Variants in DNASE1L3 observed in about 807,000 individuals in gnomAD.
The protein encoded by DNASE1L3 is deoxyribonuclease gamma.
DNASE1L3 carries 27 observed loss-of-function variants against 30.9 expected under a neutral mutation model. The ratio of observed to expected loss-of-function variants is 0.87; its 90% CI spans 0.64 to 1.20. The LOEUF (loss-of-function observed/expected upper bound fraction) is 1.20. Ranked by LOEUF, DNASE1L3 falls within the 50% of genes most tolerant of loss-of-function variation. The probability of loss-of-function intolerance (pLI) is 0.00; values close to 1 mark genes in which losing one functional copy is unlikely to be tolerated. For synonymous variants in DNASE1L3, 135 were observed against 138.0 expected (o/e 0.98, Z 0.15); for missense variants, 364 against 378.2 (o/e 0.96, Z 0.31).
intron 5 of DNASE1L3, 120 bp from the exon 6 acceptor site, chr3:58,198,098 G>T: frequency 8.5e-7 from 1 of 1,171,536 alleles, no homozygotes; most frequent in Non-Finnish European, 1.2e-6. Context: ...GTTATGGGCT[G>T]AATCTTGTCT....
intron 7 of DNASE1L3, 120 bp downstream of exon 7, chr3:58,193,223 T>G: frequency 7.0e-7 from 1 of 1,433,922 alleles, no homozygotes; most frequent in Non-Finnish European, 9.5e-7. Context: ...ACCATAGGCA[T>G]GCATCACCAT....
In DNASE1L3 at chr3:58,210,759, G is replaced by T. The variant is rs534743032; in HGVS notation, c.141+7C>A. On this transcript the variant is annotated splice_region_variant and intron_variant, in intron 1 of 7. Coordinates refer to ENST00000394549, the MANE Select transcript of DNASE1L3 (RefSeq NM_004944.4). ...TCTGGGATCCTCCTCCCAGGAAAGG[G>T]GCTCACCTTCACAATGACATCCATG... 1.2e-6 allele frequency: 2 copies of T among 1,614,052 alleles called. No individual in the cohort carries two copies. Among genetic ancestry groups the T allele is most frequent in the African/African-American group, 1.3e-5 (1 of 75,008 alleles).
At chr3:58,207,248 T>C (rs551456125) in intron 2 of DNASE1L3, among the ~76,000 whole-genome samples, 1 of 152,202 alleles carries the variant, frequency 6.6e-6, no homozygotes, top group Non-Finnish European at 1.5e-5. Flanking sequence ...GGTGTGTGAC[T>C]GTAATCCCAG....
intron 1 of DNASE1L3, among the ~76,000 whole-genome samples, chr3:58,208,749 C>T (rs2097405687): frequency 6.6e-6 from 1 of 152,170 alleles, no homozygotes; most frequent in Non-Finnish European, 1.5e-5. Context: ...TAAAAGCTGA[C>T]ATTTACTGCA....
chr3:58,210,713 GGA>G, intron 1 of DNASE1L3, 51 bp downstream of exon 1: 1 of 1,612,374 alleles, frequency 6.2e-7, no homozygotes, highest in Non-Finnish European at 8.5e-7. Context: ...TCTGCAGACA[GGA>G]GAGAGGGTGT....
Position 58,192,749 on chromosome 3 carries a change from C to T in DNASE1L3, c.856G>A (p.Ala286Thr), listed in dbSNP as rs772419715. Residue 286 changes from alanine (A) to threonine (T), a missense_variant, in exon 8 of 8, where the codon GCC (alanine) becomes ACC (threonine). Coordinates refer to ENST00000394549, the MANE Select transcript of DNASE1L3 (RefSeq NM_004944.4). The surrounding 1 kb of genome is among the most constrained non-coding windows in gnomAD (Gnocchi z 4.8). ...ACAGATTTTTTGCTGTTGGTGAAGGCCCTTGAAGACTGTAGTTTAAATTCA... is the reference window on the plus strand; with the variant it reads ...ACAGATTTTTTGCTGTTGGTGAAGGTCCTTGAAGACTGTAGTTTAAATTCA... ...PVEFKLQSSRAFTNSKKSVTL... is the reference protein window; with the variant it reads ...PVEFKLQSSRTFTNSKKSVTL... 6.2e-7 allele frequency: 1 copy of T among 1,614,066 alleles called. No individual in the cohort carries two copies. Among genetic ancestry groups the T allele is most frequent in the Non-Finnish European group, 8.5e-7 (1 of 1,180,002 alleles).
Position 58,201,066 on chromosome 3 carries a change from C to T in DNASE1L3, c.477G>A (p.Glu159=). 1.2e-6 allele frequency: 2 copies of T among 1,613,106 alleles called. No individual in the cohort carries two copies. Among genetic ancestry groups the T allele is most frequent in the Non-Finnish European group, 1.7e-6 (2 of 1,179,418 alleles). The change falls in exon 5 of 8, where the codon GAG becomes GAA. Residue 159 remains glutamate, a synonymous_variant. Transcript: ENST00000394549. The part of the protein sequence containing the change: ...FVIIPLHTTP[E]TSVKEIDELV... ...ACTCATCGATCTCCTTAACGGATGT[C>T]TCTGGGGTGGTGTGCAGGGGGATAA...
At chr3:58,201,188 G>T in intron 4 of DNASE1L3, 79 bp from the exon 5 acceptor site, 1 of 1,070,244 alleles carries the variant, frequency 9.3e-7, no homozygotes, top group Non-Finnish European at 1.4e-6. Flanking sequence ...GAAACCAGCT[G>T]TCCCCTCCAG....
Position 58,197,841 on chromosome 3 carries a change from G to C in DNASE1L3, c.684C>G (p.Ser228Arg). ...GDQEDTTVKKSTNCAYDRIVL... is the reference protein window; with the variant it reads ...GDQEDTTVKKRTNCAYDRIVL... The stretch of plus-strand genomic sequence containing the variant: ...CCTACCTGTCATATGCACAGTTGGT[G>C]CTCTTCTTCACCGTGGTGTCCTCTT... Residue 228 changes from serine (S) to arginine (R), a missense_variant, in exon 6 of 8, where the codon AGC (serine) becomes AGG (arginine). Ser to Arg is a moderately radical substitution (Grantham distance 110). Coordinates refer to ENST00000394549, the MANE Select transcript of DNASE1L3 (RefSeq NM_004944.4). The surrounding 1 kb of genome is among the most constrained non-coding windows in gnomAD (Gnocchi z 5.3). 1 of 1,614,072 alleles carries C rather than the reference G, an allele frequency of 6.2e-7. No homozygotes were observed.
At position 58,194,622 on chromosome 3, in the gene DNASE1L3, C is replaced by T. The variant is rs141722473; in HGVS notation, c.705-1183G>A. ...GGTGTAAGCCACCGCTCCAGGGCTA[C>T]GGCTTTTTTTTTTCTTTTTTTGAGA... On this transcript the variant is annotated intron_variant, in intron 6 of 7. Coordinates refer to ENST00000394549, the MANE Select transcript of DNASE1L3 (RefSeq NM_004944.4). 8.6e-3 allele frequency among the ~76,000 whole-genome samples: 1,143 copies of T among 132,158 alleles called. 13 individuals carry two copies. Among genetic ancestry groups the T allele is most frequent in the African/African-American group, 0.031 (1,102 of 34,998 alleles). The allele number at this position is 132,158 out of a possible 152,430, so 86.7% of individuals were successfully genotyped here.
At chr3:58,205,229 TAAAGAACA>T (rs1413093446) in intron 3 of DNASE1L3, among the ~76,000 whole-genome samples, 1 of 152,074 alleles carries the variant, frequency 6.6e-6, no homozygotes, top group Non-Finnish European at 1.5e-5. Context: ...CTATGAGGAG[TAAAGAACA>T]CCTGGCCTGC....
chr3:58,194,791 A>G (rs1484915620), intron 6 of DNASE1L3, among the ~76,000 whole-genome samples: 2 of 150,868 alleles, frequency 1.3e-5, no homozygotes, highest in Non-Finnish European at 1.5e-5. Flanking sequence ...ACGCCTGGCT[A>G]ATTTTTTTTG....
intron 1 of DNASE1L3, 92 bp downstream of exon 1, chr3:58,210,674 C>A: frequency 6.3e-7 from 1 of 1,580,726 alleles, no homozygotes; most frequent in Non-Finnish European, 8.6e-7. Context: ...CCCTAAGGGC[C>A]AACTTTAAGT....
chr3:58,199,888 T>C (rs1463010614), intron 5 of DNASE1L3, among the ~76,000 whole-genome samples: 1 of 152,228 alleles, frequency 6.6e-6, no homozygotes, highest in African/African-American at 2.4e-5. Flanking sequence ...GTCTTTTCCA[T>C]GCCCCAGCTC....
chr3:58,201,060 G>A lies in DNASE1L3; in HGVS notation c.483C>T (p.Ser161=), dbSNP rs375425278. 9.9e-6 allele frequency: 16 copies of A among 1,613,432 alleles called. No homozygotes were observed. The African/African-American group carries it at 1.1e-4, about 11-fold the overall frequency. The change falls in exon 5 of 8, where the codon TCC becomes TCT. Residue 161 remains serine (S), a synonymous_variant. Transcript: ENST00000394549. ...CAACCAACTCATCGATCTCCTTAAC[G>A]GATGTCTCTGGGGTGGTGTGCAGGG... ...IIPLHTTPET[S]VKEIDELVEV...
chr3:58,193,279 A>G (rs767497223), intron 7 of DNASE1L3, 64 bp downstream of exon 7: 4 of 1,578,396 alleles, frequency 2.5e-6, no homozygotes, highest in South Asian at 2.2e-5. Context: ...GAGTCTCATC[A>G]TGTTGCCCAA....
intron 3 of DNASE1L3, 85 bp downstream of exon 3, chr3:58,205,386 T>C: frequency 8.2e-7 from 1 of 1,213,064 alleles, no homozygotes; most frequent in Non-Finnish European, 1.2e-6. Context: ...GAAATCAAAA[T>C]TTGGTTTTGA....
chr3:58,199,207 T>C (rs898550818), intron 5 of DNASE1L3, among the ~76,000 whole-genome samples: 11 of 152,228 alleles, frequency 7.2e-5, no homozygotes, highest in Non-Finnish European at 1.2e-4. Context: ...CATGATTTGC[T>C]GAACATTCAC....
chr3:58,197,853 C>G lies in DNASE1L3; in HGVS notation c.672G>C (p.Thr224=). 1 of 1,614,134 alleles carries G rather than the reference C, an allele frequency of 6.2e-7. No homozygotes were observed. Among genetic ancestry groups the G allele is most frequent in the South Asian group, 1.1e-5 (1 of 91,078 alleles). Residue 224 remains threonine (T), a synonymous_variant, in exon 6 of 8, where the codon ACG becomes ACC. Transcript: ENST00000394549. This position sits in a 1 kb window ranked among gnomAD's most constrained non-coding sequence, Gnocchi z 5.3. The part of the protein sequence containing the change: ...VWLIGDQEDT[T]VKKSTNCAYD... ...ATGCACAGTTGGTGCTCTTCTTCACCGTGGTGTCCTCTTGGTCCCCGATCA... is the reference window on the plus strand; with the variant it reads ...ATGCACAGTTGGTGCTCTTCTTCACGGTGGTGTCCTCTTGGTCCCCGATCA...
Sources: allele counts gnomAD v4.1 joint callset (sites outside exome capture counted in the v4.1 genomes callset), GRCh38; gene constraint gnomAD v4.1.1; non-coding constraint Gnocchi (gnomAD v3.1); transcripts MANE v1.5; gene names NCBI Gene and HGNC (gene_info 2026-07-23, HGNC 2026-07-21).